Variants in DOT1L observed in about 807,000 individuals in gnomAD.
DOT1L encodes histone-lysine N-methyltransferase, H3 lysine-79 specific.
DOT1L carries 33 observed loss-of-function variants against 153.3 expected under a neutral mutation model. The observed-to-expected ratio is 0.22, with a 90% CI of 0.16 to 0.29. The LOEUF (loss-of-function observed/expected upper bound fraction) is 0.29. DOT1L is among the 10% of genes least tolerant of loss of function. DOT1L has a pLI of 1.00. For missense variants in DOT1L, 1,847 were observed against 2,119.9 expected (o/e 0.87, Z 2.53); for synonymous variants, 1,135 against 965.1 (o/e 1.18, Z -3.26).
chr19:2,222,029 G>A lies in DOT1L; in HGVS notation c.2860G>A (p.Ala954Thr). The stretch of plus-strand genomic sequence containing the variant: ...CAGCGGGGCCTTGGCGGGCAGCCCG[G>A]CCTCTCTCACACCTGGAGCCGAGCC... ...AISGALAGSP[A>T]SLTPGAEPAT... The change falls in exon 24 of 28, where the codon GCC becomes ACC. Residue 954 changes from alanine (A) to threonine (T), a missense_variant. By Grantham distance (58) the Ala-to-Thr change is moderately conservative. Transcript: ENST00000398665. This position sits in a 1 kb window ranked among gnomAD's most constrained non-coding sequence, Gnocchi z 6.5. 6.2e-7 allele frequency: 1 copy of A among 1,612,482 alleles called. No individual in the cohort carries two copies. The highest frequency in any genetic ancestry group is 8.5e-7 in the Non-Finnish European group (1 of 1,179,708).
In DOT1L at chr19:2,226,895, C is replaced by T. The variant is rs754004246; in HGVS notation, c.4374C>T (p.Ala1458=). The T allele has an allele frequency of 1.3e-6, 2 of 1,578,210 alleles. No individual in the cohort carries two copies. Among genetic ancestry groups the T allele is most frequent in the Non-Finnish European group, 1.7e-6 (2 of 1,171,014 alleles). The change falls in exon 27 of 28, where the codon GCC becomes GCT. Residue 1458 remains alanine (A), a synonymous_variant. Coordinates refer to ENST00000398665, the MANE Select transcript of DOT1L (RefSeq NM_032482.3). ...ASSAGGAASS[A]QTHRSFLGPF... ...CCGCAGGCGGCGCGGCGTCCTCCGC[C>T]CAGACGCACCGGTCCTTCCTGGGCC...
rs940551589 is a variant in DOT1L at position 2,217,511 on chromosome 19, G to A, written c.2545-261G>A. 1.3e-5 allele frequency among the ~76,000 whole-genome samples: 2 copies of A among 152,054 alleles called. No homozygotes were observed. Among genetic ancestry groups the A allele is most frequent in the African/African-American group, 4.8e-5 (2 of 41,384 alleles). The stretch of plus-strand genomic sequence containing the variant: ...CCCTGGGAGGCTTGGTGGCCCCACG[G>A]GTGACTGCCCACCGAGCCGGGCGGG... On this transcript the variant is annotated intron_variant, in intron 21 of 27. Coordinates refer to ENST00000398665, the MANE Select transcript of DOT1L (RefSeq NM_032482.3). The surrounding 1 kb of genome is among the most constrained non-coding windows in gnomAD (Gnocchi z 7.3).
Position 2,223,457 on chromosome 19 carries a change from A to G in DOT1L, c.3567A>G (p.Pro1189=). The G allele has an allele frequency of 1.2e-6, 2 of 1,612,282 alleles. No homozygotes were observed. Among genetic ancestry groups the G allele is most frequent in the Non-Finnish European group, 1.7e-6 (2 of 1,179,740 alleles). ...CCCCACTCACCTCAGACGAGGAGCC[A>G]GGCTCTGAGGACGAGCCCAGCAGTG... ...HYSPLTSDEE[P]GSEDEPSSAR... Residue 1189 remains proline, a synonymous_variant, in exon 25 of 28, where the codon CCA becomes CCG. Coordinates refer to ENST00000398665, the MANE Select transcript of DOT1L (RefSeq NM_032482.3).
At chr19:2,202,474 C>G (rs77521427) in intron 8 of DOT1L, among the ~76,000 whole-genome samples, 7 of 152,232 alleles carry the variant, frequency 4.6e-5, no homozygotes, top group African/African-American at 1.7e-4. Context: ...GACTTGGTCA[C>G]GAATCCTGCC....
Position 2,193,471 on chromosome 19 carries a change from G to C in DOT1L, c.494-218G>C, listed in dbSNP as rs562116191. 6.6e-6 allele frequency among the ~76,000 whole-genome samples: 1 copy of C among 152,310 alleles called. No individual in the cohort carries two copies. Among genetic ancestry groups the C allele is most frequent in the South Asian group, 2.1e-4 (1 of 4,824 alleles). On this transcript the variant is annotated intron_variant, in intron 5 of 27. Transcript: ENST00000398665. This position sits in a 1 kb window ranked among gnomAD's most constrained non-coding sequence, Gnocchi z 5.9. ...CCACCAAGTGATGTCCATGGATGAC[G>C]CGTTGTGATGACCGTCCCCTCGTGG...
intron 7 of DOT1L, among the ~76,000 whole-genome samples, chr19:2,195,067 G>C (rs796998515): frequency 1.8e-4 from 27 of 152,244 alleles, no homozygotes; most frequent in African/African-American, 6.5e-4. Context: ...TGGACCCTGG[G>C]GATGGCGTCG....
intron 7 of DOT1L, among the ~76,000 whole-genome samples, chr19:2,198,931 C>T (rs530461142): frequency 1.3e-5 from 2 of 152,338 alleles, no homozygotes; most frequent in Admixed American, 1.3e-4. Flanking sequence ...TGTGCGCGGC[C>T]TCGCTGTGCT....
intron 8 of DOT1L, among the ~76,000 whole-genome samples, chr19:2,200,605 G>C (rs1307884885): frequency 6.6e-6 from 1 of 152,072 alleles, no homozygotes; most frequent in Non-Finnish European, 1.5e-5. Flanking sequence ...GGGGAGGTGG[G>C]GTCAGCAGCC....
chr19:2,193,979 C>T lies in DOT1L; in HGVS notation c.588+196C>T, dbSNP rs565952074. Among the ~76,000 whole-genome samples, 583 of 152,254 alleles carry T rather than the reference C, an allele frequency of 3.8e-3. 5 individuals are homozygous for T. The highest frequency in any genetic ancestry group is 0.013 in the African/African-American group (543 of 41,556). Reference sequence around the variant, plus strand: ...ATCGCCCTCACGGCCCATTACAGGCCGGCCCTCCAGGCCTGTCCAAGCGCT... The same window carrying T: ...ATCGCCCTCACGGCCCATTACAGGCTGGCCCTCCAGGCCTGTCCAAGCGCT... On this transcript the variant is annotated intron_variant, in intron 6 of 27. Coordinates refer to ENST00000398665, the MANE Select transcript of DOT1L (RefSeq NM_032482.3). The surrounding 1 kb of genome is among the most constrained non-coding windows in gnomAD (Gnocchi z 5.9).
rs1450500475 is a variant in DOT1L, at chr19:2,193,499, G to T, written c.494-190G>T. Among the ~76,000 whole-genome samples the T allele has an allele frequency of 6.6e-6, 1 of 152,202 alleles. No homozygotes were observed. Among genetic ancestry groups the T allele is most frequent in the African/African-American group, 2.4e-5 (1 of 41,458 alleles). On this transcript the variant is annotated intron_variant, in intron 5 of 27. Coordinates refer to ENST00000398665, the MANE Select transcript of DOT1L (RefSeq NM_032482.3). The surrounding 1 kb of genome is among the most constrained non-coding windows in gnomAD (Gnocchi z 5.9). Reference sequence around the variant, plus strand: ...TTGTGATGACCGTCCCCTCGTGGGGGCTCTGTCAGGGGCCTGGTCTCTGGG... The same window carrying T: ...TTGTGATGACCGTCCCCTCGTGGGGTCTCTGTCAGGGGCCTGGTCTCTGGG...
chr19:2,189,720 T>G lies in DOT1L; in HGVS notation c.201-12T>G. ...TGCCCGCATGACCAGGGCCTTCCCT[T>G]GCCTTTTTCAGCTTCGAGAGCATGC... On this transcript the variant is annotated splice_polypyrimidine_tract_variant and intron_variant, in intron 3 of 27. Coordinates refer to ENST00000398665, the MANE Select transcript of DOT1L (RefSeq NM_032482.3). 6.2e-7 allele frequency: 1 copy of G among 1,609,892 alleles called. No individual in the cohort carries two copies. Among genetic ancestry groups the G allele is most frequent in the Non-Finnish European group, 8.5e-7 (1 of 1,179,944 alleles).
intron 22 of DOT1L, among the ~76,000 whole-genome samples, 181 bp downstream of exon 22, chr19:2,218,099 CA>C (rs2023971891): frequency 6.6e-6 from 1 of 152,240 alleles, no homozygotes; most frequent in Admixed American, 6.5e-5. Flanking sequence ...TTGTTTTCGC[CA>C]GTCTTTTTCT....
intron 18 of DOT1L, 60 bp downstream of exon 18, chr19:2,214,046 G>A: frequency 6.4e-6 from 10 of 1,562,476 alleles, no homozygotes; most frequent in Non-Finnish European, 8.7e-6. Context: ...CTGGGCGGGT[G>A]TGTCCTCTGT....
rs1241308164 is a variant in DOT1L, at chr19:2,204,211, G to C, written c.787+1432G>C. Among the ~76,000 whole-genome samples, 2 of 151,778 alleles carry C rather than the reference G, an allele frequency of 1.3e-5. No homozygotes were observed. The highest frequency in any genetic ancestry group is 2.9e-5 in the Non-Finnish European group (2 of 67,892). ...TGCGTGCCTGTGCGTGCCTGTGTCT[G>C]CATGTCTGTGCCTGTGTGCATGCCT... On this transcript the variant is annotated intron_variant, in intron 9 of 27. Coordinates refer to ENST00000398665, the MANE Select transcript of DOT1L (RefSeq NM_032482.3). This position sits in a 1 kb window ranked among gnomAD's most constrained non-coding sequence, Gnocchi z 5.7.
At chr19:2,199,741 G>A (rs2023167079) in intron 7 of DOT1L, 143 bp from the exon 8 acceptor site, 4 of 1,117,512 alleles carry the variant, frequency 3.6e-6, no homozygotes, top group Non-Finnish European at 1.3e-6. Flanking sequence ...TCCCAGGGCT[G>A]CAGCCGGTGG....
At chr19:2,227,160 C>T (rs1314711910) in intron 27 of DOT1L, 33 bp downstream of exon 27, 7 of 1,571,114 alleles carry the variant, frequency 4.5e-6, no homozygotes, top group Middle Eastern at 3.4e-4. Flanking sequence ...CGCCCCCCGC[C>T]CCGGCCCCCG....
Position 2,211,064 on chromosome 19 carries a change from C to T in DOT1L, c.1352-35C>T, listed in dbSNP as rs200490043. The T allele has an allele frequency of 3.4e-4, 541 of 1,593,464 alleles. 1 individual carries two copies. The highest frequency in any genetic ancestry group is 4.1e-4 in the Non-Finnish European group (474 of 1,164,720). On this transcript the variant is annotated intron_variant, in intron 14 of 27. Transcript: ENST00000398665. Reference sequence around the variant, plus strand: ...GCCTCTGCCCACCGCTCTCCCGACCCGCCCTGTGCTGACGCCTGCCCTCCG... The same window carrying T: ...GCCTCTGCCCACCGCTCTCCCGACCTGCCCTGTGCTGACGCCTGCCCTCCG...
In DOT1L at chr19:2,216,130, C is replaced by G. The variant is rs1049501877; in HGVS notation, c.1924-151C>G. 3 of 1,190,656 alleles carry G rather than the reference C, an allele frequency of 2.5e-6. No individual in the cohort carries two copies. The Admixed American group carries it at 7.7e-5, about 31-fold the overall frequency. The allele number at this position is 1,190,656 out of a possible 1,614,324, so 73.8% of individuals were successfully genotyped here. A position where few individuals can be genotyped will look rare whatever the true frequency, so the allele number is the denominator to read the frequency against. On this transcript the variant is annotated intron_variant, in intron 19 of 27. Transcript: ENST00000398665. ...ATTTGACGCCCCCAGCTTCCCGACC[C>G]CGCCTCTATGTGGTCGGCAGCTTTG...
chr19:2,165,453 C>A (rs1054769302), intron 1 of DOT1L, among the ~76,000 whole-genome samples: 1 of 152,176 alleles, frequency 6.6e-6, no homozygotes, highest in African/African-American at 2.4e-5. Flanking sequence ...GCGGGGCTGG[C>A]GGGGTAGGGC....
Sources: allele counts gnomAD v4.1 joint callset (sites outside exome capture counted in the v4.1 genomes callset), GRCh38; gene constraint gnomAD v4.1.1; non-coding constraint Gnocchi (gnomAD v3.1); transcripts MANE v1.5; gene names NCBI Gene and HGNC (gene_info 2026-07-23, HGNC 2026-07-21).